ARG2: variants seen among roughly 807,000 people sequenced by gnomAD.
ARG2 encodes the protein arginase-2, mitochondrial.
In ARG2, 21 loss-of-function variants were observed where a neutral mutation model predicts 39.4. The ratio of observed to expected loss-of-function variants is 0.53; its 90% CI spans 0.38 to 0.77. The LOEUF is 0.77. ARG2 is among the 30% of genes least tolerant of loss of function. ARG2 has a pLI of 0.00. For synonymous variants in ARG2, 150 were observed against 156.7 expected (o/e 0.96, Z 0.32); for missense variants, 378 against 426.2 (o/e 0.89, Z 1.00).
intron 2 of ARG2, among the ~76,000 whole-genome samples, chr14:67,634,753 A>G (rs1395605852): frequency 6.6e-6 from 1 of 152,228 alleles, no homozygotes; most frequent in African/African-American, 2.4e-5. Flanking sequence ...TGTTATTTTA[A>G]TATCCAAAAT....
chr14:67,632,341 C>T (rs1393671791), intron 2 of ARG2, among the ~76,000 whole-genome samples: 1 of 152,156 alleles, frequency 6.6e-6, no homozygotes, highest in Non-Finnish European at 1.5e-5. Context: ...TATCCATAAG[C>T]CAGCATCATC....
intron 2 of ARG2, among the ~76,000 whole-genome samples, chr14:67,635,073 T>C (rs1031515113): frequency 6.6e-6 from 1 of 151,420 alleles, no homozygotes; most frequent in African/African-American, 2.5e-5. Flanking sequence ...GGCGAAATCT[T>C]GTCTCTACAA....
chr14:67,646,929 T>A lies in ARG2; in HGVS notation c.626T>A (p.Leu209Ter). The A allele has an allele frequency of 6.3e-7, 1 of 1,596,278 alleles. No individual in the cohort carries two copies. The highest frequency in any genetic ancestry group is 8.6e-7 in the Non-Finnish European group (1 of 1,164,014). Residue 209 changes from leucine (L) to a stop codon, truncating the protein, a stop_gained, in exon 6 of 8, where the codon TTA (leucine) becomes TAA (stop). Transcript: ENST00000261783. LOFTEE classifies it high-confidence loss of function. ...TTTATATCTCATCACAGTTTTATTT[T>A]AAAGAACTATGATATCCAGTATTTT... ...RDVDPPEHFI[L>*]KNYDIQYFSM...
chr14:67,633,067 G>A (rs1352274856), intron 2 of ARG2, among the ~76,000 whole-genome samples: 2 of 151,890 alleles, frequency 1.3e-5, no homozygotes, highest in African/African-American at 2.4e-5. Context: ...TGATCCGCCC[G>A]CCTCGGCCTC....
At chr14:67,638,477 T>C (rs925714883) in intron 2 of ARG2, among the ~76,000 whole-genome samples, 22 of 152,144 alleles carry the variant, frequency 1.4e-4, no homozygotes, top group African/African-American at 5.3e-4. Flanking sequence ...TACAGAGAAT[T>C]TCAAAACAAA....
intron 1 of ARG2, 146 bp from the exon 2 acceptor site, chr14:67,620,748 A>T: frequency 1.4e-6 from 1 of 737,822 alleles, no homozygotes; most frequent in Non-Finnish European, 2.3e-6. Flanking sequence ...TGTGATTCCA[A>T]CAATGGAGTT....
intron 3 of ARG2, among the ~76,000 whole-genome samples, chr14:67,643,202 A>G (rs1197609949): frequency 5.9e-5 from 9 of 152,206 alleles, no homozygotes; most frequent in Non-Finnish European, 1.2e-4. Flanking sequence ...TTTATTGAGC[A>G]CTGTTCTGAT....
intron 2 of ARG2, among the ~76,000 whole-genome samples, chr14:67,625,736 CAAAAAAA>C: frequency 8.4e-6 from 1 of 118,466 alleles, no homozygotes; most frequent in East Asian, 2.6e-4. Flanking sequence ...AATGAAAAAC[CAAAAAAA>C]AAAAAGAGAA....
intron 6 of ARG2, 120 bp downstream of exon 6, chr14:67,647,145 A>T (rs760139055): frequency 4.6e-5 from 32 of 695,462 alleles, no homozygotes; most frequent in Non-Finnish European, 7.1e-5. Context: ...CATAATTTTA[A>T]ATAGTTCAGA....
intron 2 of ARG2, among the ~76,000 whole-genome samples, chr14:67,628,391 C>T (rs1229905648): frequency 1.3e-5 from 2 of 152,156 alleles, no homozygotes; most frequent in Non-Finnish European, 2.9e-5. Context: ...TGCTCGGCTG[C>T]AGATTCCTTT....
At chr14:67,630,983 C>A (rs1415450637) in intron 2 of ARG2, among the ~76,000 whole-genome samples, 2 of 152,300 alleles carry the variant, frequency 1.3e-5, no homozygotes, top group East Asian at 3.9e-4. Context: ...GGGTAACTAA[C>A]ACTCGGCAGT....
At chr14:67,636,282 CA>C (rs1447979479) in intron 2 of ARG2, among the ~76,000 whole-genome samples, 2 of 151,036 alleles carry the variant, frequency 1.3e-5, no homozygotes, top group Admixed American at 6.6e-5. Flanking sequence ...ACCCAAAAAA[CA>C]AAAAAACAAA....
rs553551314 is a variant in ARG2, at chr14:67,627,101, G to A, written c.184+6135G>A. ...GGGCATGGGTTTCTTTCCGAAGGGT[G>A]ATGGGACTGTTGTAGAATTAGGTAG... is the stretch of plus-strand genomic sequence containing the variant. On this transcript the variant is annotated intron_variant, in intron 2 of 7. Transcript: ENST00000261783. Among the ~76,000 whole-genome samples the A allele has an allele frequency of 2.0e-5, 3 of 152,216 alleles. No individual in the cohort carries two copies. The South Asian group carries it at 6.2e-4, about 32-fold the overall frequency.
intron 6 of ARG2, chr14:67,647,790 A>G: frequency 2.2e-6 from 1 of 452,364 alleles, no homozygotes; most frequent in South Asian, 3.3e-5. Context: ...GTAAGGCAGA[A>G]ATATACATTG....
At position 67,647,919 on chromosome 14, in the gene ARG2, G is replaced by A. The variant is rs2037121595; in HGVS notation, c.723-128G>A. The A allele has an allele frequency of 9.9e-6, 9 of 912,196 alleles. No individual in the cohort carries two copies. The East Asian group carries it at 2.4e-4, about 24-fold the overall frequency. 56.5% of individuals were successfully genotyped at this position (912,196 alleles called of 1,614,324 possible). ...TAGGAAGCCTGGAAATGTATTAACA[G>A]CTTTATTAACAAAGTACTAGGACTA... On this transcript the variant is annotated intron_variant, in intron 6 of 7. Transcript: ENST00000261783.
Position 67,651,137 on chromosome 14 carries a change from G to A in ARG2, c.*217G>A. Reference sequence around the variant, plus strand: ...GTTCACAGGGTATTAATATGCTACAGTACTATGTAAATTTAAAGAAGTCAT... The same window carrying A: ...GTTCACAGGGTATTAATATGCTACAATACTATGTAAATTTAAAGAAGTCAT... On this transcript the variant is annotated 3_prime_UTR_variant, in exon 8 of 8. Transcript: ENST00000261783. 1 of 909,312 alleles carries A rather than the reference G, an allele frequency of 1.1e-6. No homozygotes were observed. The highest frequency in any genetic ancestry group is 1.6e-6 in the Non-Finnish European group (1 of 617,498). The allele number at this position is 909,312 out of a possible 1,614,324, so 56.3% of individuals were successfully genotyped here. A position where few individuals can be genotyped will look rare whatever the true frequency, so the allele number is the denominator to read the frequency against.
chr14:67,629,265 G>A (rs2036895842), intron 2 of ARG2, among the ~76,000 whole-genome samples: 2 of 152,194 alleles, frequency 1.3e-5, no homozygotes, highest in Admixed American at 1.3e-4. Flanking sequence ...GAGCCCAGGA[G>A]GTTGAGGCTG....
At chr14:67,626,771 T>C (rs565950614) in intron 2 of ARG2, among the ~76,000 whole-genome samples, 43 of 152,330 alleles carry the variant, frequency 2.8e-4, no homozygotes, top group Admixed American at 5.2e-4. Context: ...CACACAAACT[T>C]ATATACAAAT....
At chr14:67,642,406 T>C (rs1193757990) in intron 3 of ARG2, 43 bp downstream of exon 3, 1 of 1,592,906 alleles carries the variant, frequency 6.3e-7, no homozygotes. Context: ...GATTACATGG[T>C]GCTTGGGGCT....
Sources: allele counts gnomAD v4.1 joint callset (sites outside exome capture counted in the v4.1 genomes callset), GRCh38; gene constraint gnomAD v4.1.1; transcripts MANE v1.5; gene names NCBI Gene and HGNC (gene_info 2026-07-23, HGNC 2026-07-21).